Variants in LPP observed in about 807,000 individuals in gnomAD.
The protein encoded by LPP is LIM domain containing preferred translocation partner in lipoma, also known as lipoma-preferred partner.
Under a neutral mutation model 60.4 loss-of-function variants are expected in LPP, and 38 were observed. The ratio of observed to expected loss-of-function variants is 0.63; its 90% CI spans 0.49 to 0.83. The LOEUF is 0.83. LPP is among the 40% of genes least tolerant of loss of function. The pLI, the probability that LPP is intolerant of heterozygous loss-of-function variation, is 0.00. For missense variants in LPP, 902 were observed against 783.6 expected, an observed-to-expected ratio of 1.15 and a Z score of -1.80; for synonymous variants, 328 against 290.8, an observed-to-expected ratio of 1.13 and a Z score of -1.30.
At chr3:188,342,712 G>C (rs746035208) in intron 3 of LPP, among the ~76,000 whole-genome samples, 4 of 152,054 alleles carry the variant, frequency 2.6e-5, no homozygotes, top group Non-Finnish European at 2.9e-5. Flanking sequence ...AAAATTGGTT[G>C]GTATTGCCCC....
At chr3:188,613,288 A>ATATCTATATCTATATCTATATCTATATC (rs1844150086) in intron 7 of LPP, among the ~76,000 whole-genome samples, 1 of 141,790 alleles carries the variant, frequency 7.1e-6, no homozygotes, top group African/African-American at 2.6e-5. Flanking sequence ...ATCTATATCT[A>ATATCTATATCTATATCTATATCTATATC]TATCTATATC....
intron 5 of LPP, among the ~76,000 whole-genome samples, chr3:188,509,879 T>G (rs1000902503): frequency 2.6e-4 from 37 of 145,000 alleles, no homozygotes; most frequent in African/African-American, 8.5e-4. Context: ...TGTTGTTTTT[T>G]TTTTTTTTTT....
At chr3:188,209,745 A>C (rs1283889686) in intron 1 of LPP, among the ~76,000 whole-genome samples, 6 of 152,176 alleles carry the variant, frequency 3.9e-5, no homozygotes, top group African/African-American at 1.4e-4. Context: ...GAACAGCTGG[A>C]CTTGCAGGTC....
At position 188,806,475 on chromosome 3, in the gene LPP, A is replaced by G. The variant is rs1184852866; in HGVS notation, c.1410+46193A>G. On this transcript the variant is annotated intron_variant, in intron 9 of 11. Transcript: ENST00000617246. ...ATTGAAGTAGCTTGCTTTTAGACAGATACGTCTTTCATTTTATCCAATTTG... is the reference window on the plus strand; with the variant it reads ...ATTGAAGTAGCTTGCTTTTAGACAGGTACGTCTTTCATTTTATCCAATTTG... Among the ~76,000 whole-genome samples, 5 of 151,870 alleles carry G rather than the reference A, an allele frequency of 3.3e-5. No individual in the cohort carries two copies. In the East Asian group the frequency reaches 7.7e-4, roughly 23 times the overall value.
intron 6 of LPP, among the ~76,000 whole-genome samples, chr3:188,561,977 T>TGAG (rs1830790940): frequency 1.2e-4 from 18 of 151,974 alleles, no homozygotes; most frequent in Admixed American, 1.1e-3. Flanking sequence ...CAGTTGGCGT[T>TGAG]AAGGTTGAGA....
chr3:188,633,429 C>A (rs1477458754), intron 7 of LPP, among the ~76,000 whole-genome samples: 1 of 152,174 alleles, frequency 6.6e-6, no homozygotes, highest in Non-Finnish European at 1.5e-5. Context: ...TTACTGGTGG[C>A]AGACAGCATT....
intron 4 of LPP, among the ~76,000 whole-genome samples, chr3:188,450,069 C>G (rs1166617101): frequency 1.3e-5 from 2 of 152,130 alleles, no homozygotes; most frequent in Non-Finnish European, 2.9e-5. Context: ...TCCCAAAATG[C>G]TGGGATTACA....
chr3:188,407,193 A>G (rs1422400830), intron 4 of LPP, among the ~76,000 whole-genome samples: 1 of 132,860 alleles, frequency 7.5e-6, no homozygotes, highest in African/African-American at 2.4e-5. Flanking sequence ...TAAAAAAATT[A>G]TTAATATCTT....
intron 7 of LPP, among the ~76,000 whole-genome samples, chr3:188,657,230 T>G (rs6444315): frequency 0.98 from 133,732 of 136,370 alleles, 65,597 homozygotes; most frequent in East Asian, 1. Context: ...ACTGTAGTGA[T>G]GTATAAGTTT....
chr3:188,852,067 G>A (rs908468428), intron 9 of LPP, among the ~76,000 whole-genome samples: 1 of 152,182 alleles, frequency 6.6e-6, no homozygotes, highest in Non-Finnish European at 1.5e-5. Context: ...GGGAGGCTGA[G>A]GCATGAGAAT....
intron 3 of LPP, among the ~76,000 whole-genome samples, chr3:188,371,632 TA>T: frequency 6.3e-5 from 2 of 31,720 alleles, no homozygotes; most frequent in African/African-American, 1.5e-4. Flanking sequence ...TATATATATA[TA>T]TATATATATT....
chr3:188,268,830 G>A (rs908469920), intron 2 of LPP, among the ~76,000 whole-genome samples: 1 of 152,120 alleles, frequency 6.6e-6, no homozygotes, highest in Non-Finnish European at 1.5e-5. Flanking sequence ...CCTATTAACC[G>A]CTTACATATA....
Position 188,693,910 on chromosome 3 carries a change from C to T in LPP, c.1114-14357C>T, listed in dbSNP as rs368291113. ...TAAACGAATATTGAATTAGACCTTCCTTCCTGATGTGAGCTTTCTTCTTGA... is the reference window on the plus strand; with the variant it reads ...TAAACGAATATTGAATTAGACCTTCTTTCCTGATGTGAGCTTTCTTCTTGA... On this transcript the variant is annotated intron_variant, in intron 7 of 11. Coordinates refer to ENST00000617246, the MANE Select transcript of LPP (RefSeq NM_001375462.1). 9.2e-5 allele frequency among the ~76,000 whole-genome samples: 14 copies of T among 152,290 alleles called. 1 individual carries two copies. The highest frequency in any genetic ancestry group is 3.9e-4 in the East Asian group (2 of 5,190).
chr3:188,703,237 T>A (rs1864836884), intron 7 of LPP, among the ~76,000 whole-genome samples: 1 of 152,186 alleles, frequency 6.6e-6, no homozygotes, highest in Non-Finnish European at 1.5e-5. Context: ...TTTCAGCACC[T>A]CCCACCACAA....
Position 188,378,464 on chromosome 3 carries a change from G to A in LPP, c.-9-27648G>A, listed in dbSNP as rs115071449. On this transcript the variant is annotated intron_variant, in intron 3 of 11. Transcript: ENST00000617246. ...CCGCCTTGTTGTTTGATCTCGGACC[G>A]CTGTGCTAGCAATGAGTGAGACTCC... Among the ~76,000 whole-genome samples the A allele has an allele frequency of 6.6e-3, 1,006 of 152,252 alleles. 7 individuals carry two copies. Among genetic ancestry groups the A allele is most frequent in the African/African-American group, 0.023 (939 of 41,550 alleles).
intron 7 of LPP, among the ~76,000 whole-genome samples, chr3:188,684,894 T>A (rs997792571): frequency 6.6e-6 from 1 of 152,318 alleles, no homozygotes; most frequent in African/African-American, 2.4e-5. Context: ...TATTTTAAGA[T>A]CCCTGAATAT....
chr3:188,845,563 T>C (rs147054424), intron 9 of LPP, among the ~76,000 whole-genome samples: 11 of 149,374 alleles, frequency 7.4e-5, no homozygotes, highest in Middle Eastern at 3.5e-3. Flanking sequence ...TTCTCCTTGA[T>C]TGAATGTGAG....
At chr3:188,744,780 T>G (rs1362011803) in intron 8 of LPP, among the ~76,000 whole-genome samples, 1 of 152,158 alleles carries the variant, frequency 6.6e-6, no homozygotes, top group Non-Finnish European at 1.5e-5. Context: ...GTCATCCCAT[T>G]TTTTACTTGA....
At chr3:188,511,579 A>G (rs1403924771) in intron 5 of LPP, among the ~76,000 whole-genome samples, 2 of 151,954 alleles carry the variant, frequency 1.3e-5, no homozygotes, top group Non-Finnish European at 2.9e-5. Flanking sequence ...TCCTAATGTC[A>G]TGCAAAGTGC....
Sources: allele counts gnomAD v4.1 joint callset (sites outside exome capture counted in the v4.1 genomes callset), GRCh38; gene constraint gnomAD v4.1.1; transcripts MANE v1.5; gene names NCBI Gene and HGNC (gene_info 2026-07-23, HGNC 2026-07-21).